Variants in SEMA5A observed in about 807,000 individuals in gnomAD.
SEMA5A encodes semaphorin 5A.
In SEMA5A, 55 loss-of-function variants were observed where a neutral mutation model predicts 135.5. The ratio of observed to expected loss-of-function variants is 0.41; its 90% CI spans 0.33 to 0.51. The LOEUF (loss-of-function observed/expected upper bound fraction) is 0.51, where lower values mean the gene tolerates loss of function less well. Among genes scored for constraint, SEMA5A ranks in the 20% least tolerant of loss-of-function variants. SEMA5A has a pLI of 0.37. For synonymous variants in SEMA5A, 580 were observed against 546.5 expected (o/e 1.06, Z -0.85); for missense variants, 1,290 against 1,419.9 (o/e 0.91, Z 1.47).
chr5:9,271,016 G>A (rs553922258), intron 5 of SEMA5A, among the ~76,000 whole-genome samples: 9 of 152,156 alleles, frequency 5.9e-5, no homozygotes, highest in African/African-American at 2.2e-4. Flanking sequence ...TTTGTTCTCT[G>A]TCCCCACCCA....
At chr5:9,057,008 G>A (rs565820501) in intron 18 of SEMA5A, among the ~76,000 whole-genome samples, 13 of 152,316 alleles carry the variant, frequency 8.5e-5, no homozygotes, top group African/African-American at 3.1e-4. Flanking sequence ...ATTATGCTAT[G>A]TGAAACAAGC....
intron 3 of SEMA5A, among the ~76,000 whole-genome samples, chr5:9,340,660 T>C (rs1753607570): frequency 6.6e-6 from 1 of 152,148 alleles, no homozygotes; most frequent in South Asian, 2.1e-4. Context: ...CAAGTTTCCT[T>C]ATTTGAAATT....
intron 16 of SEMA5A, among the ~76,000 whole-genome samples, chr5:9,089,888 A>G (rs1311437717): frequency 2.0e-5 from 3 of 152,222 alleles, no homozygotes; most frequent in African/African-American, 7.2e-5. Context: ...TTCTACATCT[A>G]TTGAAATGAT....
At chr5:9,257,719 C>A (rs929683088) in intron 5 of SEMA5A, among the ~76,000 whole-genome samples, 4 of 152,120 alleles carry the variant, frequency 2.6e-5, no homozygotes, top group Non-Finnish European at 4.4e-5. Context: ...TGGTTCAGAA[C>A]CCCCAGCATT....
intron 18 of SEMA5A, among the ~76,000 whole-genome samples, chr5:9,061,278 C>T (rs1374150013): frequency 1.3e-5 from 2 of 152,110 alleles, no homozygotes; most frequent in Non-Finnish European, 2.9e-5. Flanking sequence ...AAAAATGTTT[C>T]CTGAGAAATG....
At chr5:9,178,104 C>T (rs1028147859) in intron 11 of SEMA5A, among the ~76,000 whole-genome samples, 1 of 152,084 alleles carries the variant, frequency 6.6e-6, no homozygotes, top group African/African-American at 2.4e-5. Flanking sequence ...GTAAATGCTT[C>T]TTATGGAGAA....
intron 1 of SEMA5A, among the ~76,000 whole-genome samples, chr5:9,521,671 G>A (rs1216003993): frequency 1.3e-5 from 2 of 152,174 alleles, no homozygotes; most frequent in African/African-American, 4.8e-5. Context: ...GAATGATTAT[G>A]TTTTTCCCTA....
chr5:9,498,682 C>A (rs527369380), intron 1 of SEMA5A: 18 of 152,110 alleles, frequency 1.2e-4, no homozygotes, highest in Admixed American at 5.2e-4. Context: ...CGGCACACAC[C>A]CTGGAGTCGT....
At chr5:9,355,857 A>C (rs1404306887) in intron 3 of SEMA5A, among the ~76,000 whole-genome samples, 1 of 152,212 alleles carries the variant, frequency 6.6e-6, no homozygotes, top group Admixed American at 6.5e-5. Flanking sequence ...AAATGAATGA[A>C]TAAAGCCCAC....
chr5:9,287,371 C>T (rs773389776), intron 5 of SEMA5A, among the ~76,000 whole-genome samples: 91 of 152,158 alleles, frequency 6.0e-4, no homozygotes, highest in Non-Finnish European at 9.7e-4. Context: ...GCAGAATAGA[C>T]ACTACATCCT....
At chr5:9,405,754 G>A (rs779428593) in intron 2 of SEMA5A, among the ~76,000 whole-genome samples, 4 of 152,182 alleles carry the variant, frequency 2.6e-5, no homozygotes, top group South Asian at 2.1e-4. Context: ...TTTAAATGGA[G>A]GGACTTCGAA....
chr5:9,282,464 C>A (rs1750591733), intron 5 of SEMA5A, among the ~76,000 whole-genome samples: 1 of 152,052 alleles, frequency 6.6e-6, no homozygotes. Context: ...CAATAACTTG[C>A]CCATTCCTAA....
intron 2 of SEMA5A, among the ~76,000 whole-genome samples, chr5:9,401,947 T>C (rs1455327498): frequency 6.6e-6 from 1 of 152,200 alleles, no homozygotes; most frequent in Non-Finnish European, 1.5e-5. Context: ...AGGCCCCGTG[T>C]ATGTGTTGCT....
intron 5 of SEMA5A, among the ~76,000 whole-genome samples, chr5:9,253,304 A>G (rs1398267056): frequency 1.3e-5 from 2 of 152,074 alleles, no homozygotes; most frequent in African/African-American, 4.8e-5. Context: ...TCTTCCATAC[A>G]TGTCTATATA....
chr5:9,221,661 G>A (rs1747005851), intron 8 of SEMA5A, among the ~76,000 whole-genome samples: 1 of 152,018 alleles, frequency 6.6e-6, no homozygotes, highest in Non-Finnish European at 1.5e-5. Flanking sequence ...TTGAGGTTAT[G>A]GTGAAAAGAA....
intron 11 of SEMA5A, among the ~76,000 whole-genome samples, chr5:9,179,958 G>A (rs1744410872): frequency 6.6e-6 from 1 of 152,174 alleles, no homozygotes; most frequent in Non-Finnish European, 1.5e-5. Flanking sequence ...AAGGTATCAG[G>A]AGAGCCATAC....
chr5:9,102,301 T>C (rs2150144036), intron 16 of SEMA5A, among the ~76,000 whole-genome samples: 1 of 152,354 alleles, frequency 6.6e-6, no homozygotes, highest in Middle Eastern at 3.4e-3. Flanking sequence ...TGCTATGCTC[T>C]TGAAAATATT....
chr5:9,499,537 C>A (rs565145104), intron 1 of SEMA5A, among the ~76,000 whole-genome samples: 1 of 152,268 alleles, frequency 6.6e-6, no homozygotes, highest in Non-Finnish European at 1.5e-5. Context: ...TATCTGAAGT[C>A]AAAGTAACAT....
intron 1 of SEMA5A, among the ~76,000 whole-genome samples, chr5:9,485,445 T>C (rs924948539): frequency 2.0e-5 from 3 of 152,150 alleles, no homozygotes; most frequent in Non-Finnish European, 4.4e-5. Context: ...TGTTGTAGTA[T>C]GTCTAGGGAT....
Sources: allele counts gnomAD v4.1 joint callset (sites outside exome capture counted in the v4.1 genomes callset), GRCh38; gene constraint gnomAD v4.1.1; transcripts MANE v1.5; gene names NCBI Gene and HGNC (gene_info 2026-07-23, HGNC 2026-07-21).